The following TMEM266 variants were observed in gnomAD, a reference collection of about 807,000 sequenced individuals.
TMEM266 encodes transmembrane protein 266.
In TMEM266, 33 loss-of-function variants were observed where a neutral mutation model predicts 50.5. The ratio of observed to expected loss-of-function variants is 0.65; its 90% CI spans 0.50 to 0.87. TMEM266 has a LOEUF of 0.87. Ranked by LOEUF, TMEM266 falls within the 40% of genes least tolerant of loss-of-function variation. TMEM266 has a pLI of 0.00. For missense variants in TMEM266, 655 were observed against 695.1 expected (o/e 0.94, Z 0.65); for synonymous variants, 310 against 292.3 (o/e 1.06, Z -0.62).
chr15:76,098,202 G>T (rs528452286), intron 1 of TMEM266, among the ~76,000 whole-genome samples: 50 of 152,188 alleles, frequency 3.3e-4, no homozygotes, highest in African/African-American at 1.1e-3. Flanking sequence ...GGAATTTTCA[G>T]CCTTTTCCCA....
intron 1 of TMEM266, among the ~76,000 whole-genome samples, chr15:76,067,238 G>A (rs2036440024): frequency 6.6e-6 from 1 of 152,158 alleles, no homozygotes; most frequent in Non-Finnish European, 1.5e-5. Flanking sequence ...ATAAGCAGTT[G>A]TAGATTATAT....
chr15:76,203,766 G>A lies in TMEM266; in HGVS notation c.1047G>A (p.Val349=), dbSNP rs1302909779. The A allele has an allele frequency of 6.2e-7, 1 of 1,614,052 alleles. No homozygotes were observed. Among genetic ancestry groups the A allele is most frequent in the Admixed American group, 1.7e-5 (1 of 60,016 alleles). ...ACAGCGGTGTCCCAGAGCCAGCTGT[G>A]TGTATGGTCACCACGGCCGCAATAG... is the stretch of plus-strand genomic sequence containing the variant. Residue 349 remains valine (V), a synonymous_variant, in exon 11 of 11, where the codon GTG becomes GTA. Transcript: ENST00000388942.
At chr15:76,065,484 C>CCGTGTT (rs1294840713) in intron 1 of TMEM266, among the ~76,000 whole-genome samples, 90 of 151,528 alleles carry the variant, frequency 5.9e-4, no homozygotes, top group African/African-American at 2.1e-3. Flanking sequence ...GTGTCCGTGT[C>CCGTGTT]TATCTGGTCT....
At chr15:76,077,140 T>G (rs2036618862) in intron 1 of TMEM266, among the ~76,000 whole-genome samples, 1 of 151,980 alleles carries the variant, frequency 6.6e-6, no homozygotes, top group Non-Finnish European at 1.5e-5. Context: ...AATTTTTGTA[T>G]TTTTTATAGA....
chr15:76,060,935 C>T (rs2036289630), intron 1 of TMEM266, among the ~76,000 whole-genome samples: 1 of 152,176 alleles, frequency 6.6e-6, no homozygotes. Flanking sequence ...TGATTTGATG[C>T]CCTATATGTG....
chr15:76,187,525 G>C (rs750372831), intron 8 of TMEM266, among the ~76,000 whole-genome samples: 3 of 152,238 alleles, frequency 2.0e-5, no homozygotes, highest in Non-Finnish European at 2.9e-5. Flanking sequence ...TGCTGCCAGA[G>C]GGTTGGCTTG....
intron 1 of TMEM266, among the ~76,000 whole-genome samples, chr15:76,103,638 G>T (rs907735343): frequency 2.0e-5 from 3 of 152,102 alleles, no homozygotes; most frequent in African/African-American, 7.2e-5. Context: ...GGGGCTGGGC[G>T]CAGTGGCCCA....
At chr15:76,127,414 A>C (rs1337045448) in intron 1 of TMEM266, among the ~76,000 whole-genome samples, 2 of 151,146 alleles carry the variant, frequency 1.3e-5, no homozygotes, top group Non-Finnish European at 2.9e-5. Context: ...GCAGCCTCAA[A>C]CTCCCGGTCT....
chr15:76,107,340 C>T (rs12591042), intron 1 of TMEM266, among the ~76,000 whole-genome samples: 7,140 of 152,218 alleles, frequency 0.047, 519 homozygotes, highest in Admixed American at 0.2. Flanking sequence ...AGCAGCCAGG[C>T]GTGGCTCGTT....
At chr15:76,120,496 C>T (rs184111290) in intron 1 of TMEM266, among the ~76,000 whole-genome samples, 2 of 151,980 alleles carry the variant, frequency 1.3e-5, no homozygotes, top group Non-Finnish European at 2.9e-5. Context: ...TGCGGTGGCT[C>T]ACGCCCATAA....
At chr15:76,128,844 A>G (rs1874767) in intron 1 of TMEM266, among the ~76,000 whole-genome samples, 31,336 of 152,006 alleles carry the variant, frequency 0.21, 4,380 homozygotes, top group African/African-American at 0.38. Context: ...TCTCCTTTCC[A>G]GGAAACTGCT....
chr15:76,128,132 C>T (rs1413289304), intron 1 of TMEM266, among the ~76,000 whole-genome samples: 4 of 152,184 alleles, frequency 2.6e-5, no homozygotes, highest in African/African-American at 7.2e-5. Context: ...CTATGAGTTT[C>T]TGTTTCCCCA....
At chr15:76,180,194 A>G (rs1596157949) in intron 8 of TMEM266, among the ~76,000 whole-genome samples, 1 of 152,302 alleles carries the variant, frequency 6.6e-6, no homozygotes, top group South Asian at 2.1e-4. Flanking sequence ...ATCATTTGTT[A>G]CAATGAACAA....
chr15:76,166,534 C>T (rs1567173611), intron 5 of TMEM266, among the ~76,000 whole-genome samples: 2 of 152,206 alleles, frequency 1.3e-5, no homozygotes, highest in Non-Finnish European at 2.9e-5. Flanking sequence ...TGGCACTGCT[C>T]TGGTTCATAA....
At chr15:76,197,569 G>T (rs919876980) in intron 9 of TMEM266, among the ~76,000 whole-genome samples, 1 of 152,226 alleles carries the variant, frequency 6.6e-6, no homozygotes, top group African/African-American at 2.4e-5. Flanking sequence ...TCACTGAGAA[G>T]GATTGAGCAT....
rs562840389 is a variant in TMEM266 at position 76,127,883 on chromosome 15, T to C, written c.-96-6285T>C. Reference sequence around the variant, plus strand: ...AGCAGATCAGTATCCTCTGGGAATTTGTTAGAAATGTACATTTTCGAACAC... The same window carrying C: ...AGCAGATCAGTATCCTCTGGGAATTCGTTAGAAATGTACATTTTCGAACAC... On this transcript the variant is annotated intron_variant, in intron 1 of 10. Coordinates refer to ENST00000388942, the MANE Select transcript of TMEM266 (RefSeq NM_152335.3). Among the ~76,000 whole-genome samples the C allele has an allele frequency of 7.2e-5, 11 of 152,268 alleles. 1 individual carries two copies. Among genetic ancestry groups the C allele is most frequent in the African/African-American group, 2.6e-4 (11 of 41,548 alleles).
intron 1 of TMEM266, among the ~76,000 whole-genome samples, chr15:76,085,345 C>T (rs1243965822): frequency 1.3e-5 from 2 of 151,576 alleles, no homozygotes; most frequent in East Asian, 1.9e-4. Flanking sequence ...GCAACCTCCA[C>T]CTCCTGGGTT....
chr15:76,062,518 A>G (rs1293047315), intron 1 of TMEM266, among the ~76,000 whole-genome samples: 3 of 152,218 alleles, frequency 2.0e-5, no homozygotes, highest in Admixed American at 6.5e-5. Flanking sequence ...TTTCCAGTCT[A>G]TGATCAGATA....
chr15:76,156,570 T>C, intron 3 of TMEM266, 34 bp from the exon 4 acceptor site: 2 of 1,610,452 alleles, frequency 1.2e-6, no homozygotes, highest in Non-Finnish European at 1.7e-6. Context: ...CCTCCCACTC[T>C]GAGCCTCTCT....
Sources: gnomAD v4.1 joint callset for allele counts (sites outside exome capture counted in the v4.1 genomes callset) on GRCh38, gnomAD v4.1.1 for gene constraint, MANE v1.5 for transcripts, NCBI Gene and HGNC (gene_info 2026-07-23, HGNC 2026-07-21) for gene names.